The following MFN1 variants were observed in gnomAD, a reference collection of about 807,000 sequenced individuals.
MFN1 encodes mitofusin-1.
In MFN1, 65 loss-of-function variants were observed where a neutral mutation model predicts 92.4. That is an observed-to-expected ratio of 0.70 (90% CI 0.58 to 0.86). MFN1 has a LOEUF of 0.86. Among genes scored for constraint, MFN1 ranks in the 40% least tolerant of loss-of-function variants. MFN1 has a pLI of 0.00. For missense variants in MFN1, 781 were observed against 868.0 expected (o/e 0.90, Z 1.26); for synonymous variants, 297 against 300.9 (o/e 0.99, Z 0.13).
chr3:179,362,111 T>C (rs575324877), intron 4 of MFN1, among the ~76,000 whole-genome samples: 16 of 152,364 alleles, frequency 1.1e-4, no homozygotes, highest in South Asian at 4.1e-4. Flanking sequence ...CCAGAACTTA[T>C]ATACTTCACA....
intron 10 of MFN1, among the ~76,000 whole-genome samples, chr3:179,376,205 G>C (rs1464874600): frequency 6.6e-6 from 1 of 152,208 alleles, no homozygotes; most frequent in Non-Finnish European, 1.5e-5. Context: ...AGAATTGCCA[G>C]CATATAAAAC....
At chr3:179,380,933 A>G (rs564531446) in intron 14 of MFN1, among the ~76,000 whole-genome samples, 9 of 146,564 alleles carry the variant, frequency 6.1e-5, no homozygotes, top group African/African-American at 2.0e-4. Flanking sequence ...AAGTATGTCA[A>G]GTGAGCTCCT....
At chr3:179,370,037 G>GTCTGAATGTA (rs1483716711) in intron 9 of MFN1, among the ~76,000 whole-genome samples, 1 of 152,090 alleles carries the variant, frequency 6.6e-6, no homozygotes, top group East Asian at 1.9e-4. Context: ...AAAATATTAT[G>GTCTGAATGTA]TCTGAATGTA....
At chr3:179,380,306 G>A (rs1713417017) in intron 14 of MFN1, among the ~76,000 whole-genome samples, 1 of 152,216 alleles carries the variant, frequency 6.6e-6, no homozygotes, top group African/African-American at 2.4e-5. Flanking sequence ...TGAGGAGACA[G>A]CCCCTACAAG....
At chr3:179,391,207 T>C (rs146802971) in intron 17 of MFN1, among the ~76,000 whole-genome samples, 2 of 152,310 alleles carry the variant, frequency 1.3e-5, no homozygotes, top group African/African-American at 4.8e-5. Flanking sequence ...GAATACTAGG[T>C]AAGTTTTTAA....
intron 9 of MFN1, among the ~76,000 whole-genome samples, chr3:179,371,621 A>G (rs1486332941): frequency 6.6e-6 from 1 of 152,236 alleles, no homozygotes; most frequent in Admixed American, 6.5e-5. Context: ...GCATTGTTCT[A>G]AAGGCAAGTT....
intron 2 of MFN1, 123 bp downstream of exon 2, chr3:179,349,086 T>A: frequency 1.5e-6 from 1 of 680,260 alleles, no homozygotes; most frequent in South Asian, 3.9e-5. Flanking sequence ...AGAAGTACCA[T>A]AATGAATAAA....
intron 2 of MFN1, among the ~76,000 whole-genome samples, chr3:179,349,549 C>A (rs1480868686): frequency 2.7e-5 from 4 of 150,582 alleles, no homozygotes; most frequent in Non-Finnish European, 5.9e-5. Flanking sequence ...TGTCTTGTTG[C>A]CCAGGCTGGA....
intron 14 of MFN1, among the ~76,000 whole-genome samples, chr3:179,383,958 C>A (rs960747521): frequency 1.3e-4 from 20 of 152,126 alleles, no homozygotes; most frequent in Admixed American, 2.0e-4. Flanking sequence ...CACCTCAAAG[C>A]TGTTTTACTC....
intron 9 of MFN1, among the ~76,000 whole-genome samples, chr3:179,369,121 A>G (rs917748657): frequency 1.3e-5 from 2 of 152,232 alleles, no homozygotes; most frequent in Non-Finnish European, 2.9e-5. Context: ...AAGCCAAGCT[A>G]TAGGATACGT....
chr3:179,385,741 G>A lies in MFN1; in HGVS notation c.1815+20G>A. 6.2e-7 allele frequency: 1 copy of A among 1,608,936 alleles called. No individual in the cohort carries two copies. Among genetic ancestry groups the A allele is most frequent in the Non-Finnish European group, 8.5e-7 (1 of 1,177,722 alleles). On this transcript the variant is annotated intron_variant, in intron 15 of 17. Coordinates refer to ENST00000471841, the MANE Select transcript of MFN1 (RefSeq NM_033540.3). ...GGAGTGGTAAGAAACATTACTTTTA[G>A]TATAATTAAAATCGAAATGTTTGCA...
At chr3:179,358,008 TC>T (rs1401554620) in intron 3 of MFN1, among the ~76,000 whole-genome samples, 2 of 152,152 alleles carry the variant, frequency 1.3e-5, no homozygotes, top group African/African-American at 2.4e-5. Flanking sequence ...TAGCTTGACT[TC>T]CTTGCAGCAC....
chr3:179,378,867 G>T, intron 14 of MFN1, 53 bp downstream of exon 14: 2 of 1,376,102 alleles, frequency 1.5e-6, no homozygotes, highest in Non-Finnish European at 2.0e-6. Flanking sequence ...TTTTGTTTAT[G>T]TGGTTTTTCT....
intron 7 of MFN1, among the ~76,000 whole-genome samples, chr3:179,366,382 C>T (rs1334991533): frequency 6.9e-6 from 1 of 144,402 alleles, no homozygotes; most frequent in Admixed American, 7.1e-5. Flanking sequence ...TTTGCATCCT[C>T]AACTTTTTTT....
intron 2 of MFN1, 31 bp downstream of exon 2, chr3:179,348,994 A>G: frequency 6.5e-7 from 1 of 1,542,814 alleles, no homozygotes. Context: ...TAAAGTAATT[A>G]CTGTTGAAAA....
At chr3:179,364,683 T>G (rs1185849767) in intron 6 of MFN1, among the ~76,000 whole-genome samples, 2 of 152,180 alleles carry the variant, frequency 1.3e-5, no homozygotes, top group African/African-American at 4.8e-5. Flanking sequence ...AATTTTAGGA[T>G]GCTTATTTAA....
In MFN1 at chr3:179,351,936, C is replaced by G; in HGVS notation, c.149C>G (p.Thr50Ser). 6.2e-7 allele frequency: 1 copy of G among 1,608,664 alleles called. No homozygotes were observed. Among genetic ancestry groups the G allele is most frequent in the Non-Finnish European group, 8.5e-7 (1 of 1,176,040 alleles). Residue 50 changes from threonine (T) to serine (S), a missense_variant, in exon 3 of 18, where the codon ACT (threonine) becomes AGT (serine). Physicochemically the swap from Thr to Ser is moderately conservative, Grantham distance 58. Coordinates refer to ENST00000471841, the MANE Select transcript of MFN1 (RefSeq NM_033540.3). Reference protein sequence around the residue: ...YKNPELDRIATEDDLVEMQGY... With the variant: ...YKNPELDRIASEDDLVEMQGY... The stretch of plus-strand genomic sequence containing the variant: ...AATCCGGAACTTGATCGAATAGCCA[C>G]TGAAGATGATCTGGTAGAAATGCAA...
At chr3:179,386,182 A>C (rs1280015381) in intron 15 of MFN1, among the ~76,000 whole-genome samples, 1 of 152,170 alleles carries the variant, frequency 6.6e-6, no homozygotes, top group Non-Finnish European at 1.5e-5. Context: ...AATATTTAAC[A>C]TTGTTTTATT....
intron 10 of MFN1, among the ~76,000 whole-genome samples, chr3:179,376,725 A>G (rs1560197524): frequency 6.6e-6 from 1 of 152,174 alleles, no homozygotes; most frequent in East Asian, 1.9e-4. Context: ...GTAAGGTGCT[A>G]TATGCTGACC....
Sources: allele counts gnomAD v4.1 joint callset (sites outside exome capture counted in the v4.1 genomes callset), GRCh38; gene constraint gnomAD v4.1.1; transcripts MANE v1.5; gene names NCBI Gene and HGNC (gene_info 2026-07-23, HGNC 2026-07-21).